Variants in NR3C2 observed in about 807,000 individuals in gnomAD.
NR3C2 encodes the protein mineralocorticoid receptor.
A neutral mutation model predicts 86.4 loss-of-function variants in NR3C2; 15 were observed. That is an observed-to-expected ratio of 0.17 (90% CI 0.12 to 0.27). NR3C2 has a LOEUF of 0.27. Ranked by LOEUF, NR3C2 falls within the 10% of genes least tolerant of loss-of-function variation. NR3C2 has a pLI of 1.00. For missense variants in NR3C2, 960 were observed against 1,195.6 expected, an observed-to-expected ratio of 0.80 and a Z score of 2.91; for synonymous variants, 458 against 450.5, an observed-to-expected ratio of 1.02 and a Z score of -0.21.
intron 4 of NR3C2, among the ~76,000 whole-genome samples, chr4:148,165,220 A>G (rs551209160): frequency 3.3e-5 from 5 of 152,306 alleles, no homozygotes; most frequent in Admixed American, 3.3e-4. Flanking sequence ...CTCCCTCTAA[A>G]CATTTGTTGC....
chr4:148,426,519 G>A (rs1749539514), intron 2 of NR3C2, among the ~76,000 whole-genome samples: 4 of 152,138 alleles, frequency 2.6e-5, no homozygotes, highest in Admixed American at 2.6e-4. Context: ...TAGTCTTGGA[G>A]CCCTTCTACT....
intron 2 of NR3C2, among the ~76,000 whole-genome samples, chr4:148,327,232 C>A (rs1288849881): frequency 2.6e-5 from 4 of 152,080 alleles, no homozygotes; most frequent in African/African-American, 7.2e-5. Context: ...TGGTACAATG[C>A]AGCACTGATT....
chr4:148,367,541 A>G (rs1400408793), intron 2 of NR3C2, among the ~76,000 whole-genome samples: 1 of 152,206 alleles, frequency 6.6e-6, no homozygotes, highest in African/African-American at 2.4e-5. Flanking sequence ...ATGTATAAAC[A>G]TAGATATTAG....
At chr4:148,210,691 G>GCTT (rs1195328077) in intron 3 of NR3C2, among the ~76,000 whole-genome samples, 1 of 152,124 alleles carries the variant, frequency 6.6e-6, no homozygotes, top group Non-Finnish European at 1.5e-5. Flanking sequence ...CTATATTGCT[G>GCTT]GTTTGCCAAT....
At chr4:148,294,730 A>C (rs1741964087) in intron 2 of NR3C2, among the ~76,000 whole-genome samples, 1 of 151,980 alleles carries the variant, frequency 6.6e-6, no homozygotes. Context: ...CAATCCTAGA[A>C]GTTTGGAAGG....
intron 2 of NR3C2, among the ~76,000 whole-genome samples, chr4:148,303,130 A>G (rs1742426289): frequency 2.0e-5 from 3 of 152,220 alleles, no homozygotes; most frequent in Admixed American, 2.0e-4. Flanking sequence ...ACTCAGTGCT[A>G]TCATAATTTT....
intron 2 of NR3C2, among the ~76,000 whole-genome samples, chr4:148,339,315 C>T (rs1579179057): frequency 6.6e-6 from 1 of 152,128 alleles, no homozygotes; most frequent in East Asian, 1.9e-4. Context: ...CAATGAATGG[C>T]TTGACTTAAA....
chr4:148,147,960 C>A (rs1228308034), intron 6 of NR3C2, among the ~76,000 whole-genome samples: 2 of 152,184 alleles, frequency 1.3e-5, no homozygotes, highest in East Asian at 1.9e-4. Context: ...TCCTTGCGAT[C>A]CATGTGACGA....
At chr4:148,429,042 T>C (rs1194359752) in intron 2 of NR3C2, among the ~76,000 whole-genome samples, 1 of 152,030 alleles carries the variant, frequency 6.6e-6, no homozygotes, top group Non-Finnish European at 1.5e-5. Flanking sequence ...CCACACTCAG[T>C]GTTTTCTCCC....
At chr4:148,274,398 C>T (rs1268675199) in intron 2 of NR3C2, among the ~76,000 whole-genome samples, 2 of 152,154 alleles carry the variant, frequency 1.3e-5, no homozygotes, top group East Asian at 3.9e-4. Context: ...CAAATCTCAT[C>T]TCTAATTGTA....
At chr4:148,433,633 T>C (rs963092253) in intron 2 of NR3C2, among the ~76,000 whole-genome samples, 13 of 152,190 alleles carry the variant, frequency 8.5e-5, no homozygotes, top group South Asian at 6.2e-4. Flanking sequence ...AATCCCCTTA[T>C]ACAGTTGAGA....
chr4:148,371,161 C>A (rs1480098362), intron 2 of NR3C2, among the ~76,000 whole-genome samples: 1 of 152,152 alleles, frequency 6.6e-6, no homozygotes, highest in Non-Finnish European at 1.5e-5. Context: ...TCCATCACCT[C>A]GAGCATTTAT....
At chr4:148,440,051 A>C (rs1750261542) in intron 1 of NR3C2, among the ~76,000 whole-genome samples, 1 of 152,242 alleles carries the variant, frequency 6.6e-6, no homozygotes, top group African/African-American at 2.4e-5. Context: ...GCTTTGCTGA[A>C]ATCTAAATTA....
upstream of NR3C2, chr4:148,444,535 G>A (rs927837364): frequency 1.4e-4 from 139 of 987,006 alleles, 1 homozygote; most frequent in Middle Eastern, 5.2e-4. Flanking sequence ...CCTTTTCTAG[G>A]ACATGGTGGG....
intron 6 of NR3C2, among the ~76,000 whole-genome samples, chr4:148,144,827 G>A (rs770406970): frequency 2.0e-5 from 3 of 152,180 alleles, no homozygotes; most frequent in Non-Finnish European, 2.9e-5. Flanking sequence ...GATAAGGATC[G>A]ACTATTTTCT....
rs61758924 is a variant in NR3C2 at position 148,248,728 on chromosome 4, T to C, written c.1897+11250A>G. Among the ~76,000 whole-genome samples, 971 of 152,342 alleles carry C rather than the reference T, an allele frequency of 6.4e-3. 6 individuals carry two copies. Among genetic ancestry groups the C allele is most frequent in the Non-Finnish European group, 0.011 (760 of 68,032 alleles). ...TCTTCCCTAAAGTAACATATGTTTT[T>C]CTGCAATTTTTACTTTTTCCCCTTC... On this transcript the variant is annotated intron_variant, in intron 3 of 8. Coordinates refer to ENST00000358102, the MANE Select transcript of NR3C2 (RefSeq NM_000901.5).
chr4:148,202,572 T>C (rs1736779768), intron 3 of NR3C2, among the ~76,000 whole-genome samples: 1 of 152,194 alleles, frequency 6.6e-6, no homozygotes, highest in African/African-American at 2.4e-5. Flanking sequence ...TACTCCCAAA[T>C]GTTGATGTTT....
chr4:148,131,881 C>T (rs2149743476), intron 6 of NR3C2, among the ~76,000 whole-genome samples: 1 of 152,236 alleles, frequency 6.6e-6, no homozygotes, highest in Non-Finnish European at 1.5e-5. Flanking sequence ...ATCAAATATC[C>T]ACTGACTTTA....
At chr4:148,213,471 C>T (rs1306771516) in intron 3 of NR3C2, among the ~76,000 whole-genome samples, 1 of 152,144 alleles carries the variant, frequency 6.6e-6, no homozygotes, top group East Asian at 1.9e-4. Flanking sequence ...AACTTACTCA[C>T]AATTCAGTTT....
Sources: allele counts gnomAD v4.1 joint callset (sites outside exome capture counted in the v4.1 genomes callset), GRCh38; gene constraint gnomAD v4.1.1; transcripts MANE v1.5; gene names NCBI Gene and HGNC (gene_info 2026-07-23, HGNC 2026-07-21).